Variants in PKD1L3 observed in about 807,000 individuals in gnomAD.
PKD1L3 encodes the protein polycystin-1-like protein 3.
In PKD1L3, 239 loss-of-function variants were observed where a neutral mutation model predicts 184.1. That is an observed-to-expected ratio of 1.30 (90% CI 1.17 to 1.45). The LOEUF (loss-of-function observed/expected upper bound fraction) is 1.45, where lower values mean the gene tolerates loss of function less well. Among genes scored for constraint, PKD1L3 ranks in the 40% most tolerant of loss-of-function variants. The pLI is 0.00. For synonymous variants in PKD1L3, 996 were observed against 778.8 expected (o/e 1.28, Z -4.64); for missense variants, 2,660 against 2,067.2 (o/e 1.29, Z -5.56).
chr16:71,973,277 A>AT (rs2039787654), intron 12 of PKD1L3, 47 bp downstream of exon 12: 1 of 1,529,456 alleles, frequency 6.5e-7, no homozygotes, highest in Non-Finnish European at 8.8e-7. Context: ...TGGGCTTAAC[A>AT]GTAGCTATGG....
rs985201209 is a variant in PKD1L3 at position 71,949,962 on chromosome 16, T to C, written c.3439A>G (p.Asn1147Asp). The C allele has an allele frequency of 5.8e-6, 9 of 1,551,384 alleles. No homozygotes were observed. The highest frequency in any genetic ancestry group is 2.4e-5 in the East Asian group (1 of 40,926). The change falls in exon 21 of 30, where the codon AAT becomes GAT. Residue 1147 changes from asparagine (N) to aspartate (D), a missense_variant. Physicochemically the swap from Asn to Asp is conservative, Grantham distance 23 (BLOSUM62 1). Coordinates refer to ENST00000620267, the MANE Select transcript of PKD1L3 (RefSeq NM_181536.2). The stretch of plus-strand genomic sequence containing the variant: ...GAAGTCAACCATTTGGACAGGCCAT[T>C]TGAGATGGGCTTTTTTCCTTCTTCT... Reference protein sequence around the residue: ...SSEEGKKPISNGLSKWLTSVC... With the variant: ...SSEEGKKPISDGLSKWLTSVC...
At chr16:71,985,296 G>C (rs2040313788) in intron 5 of PKD1L3, among the ~76,000 whole-genome samples, 1 of 152,122 alleles carries the variant, frequency 6.6e-6, no homozygotes, top group Admixed American at 6.6e-5. Flanking sequence ...AGCAGATCCA[G>C]AGTGAACAGG....
intron 3 of PKD1L3, among the ~76,000 whole-genome samples, chr16:71,990,561 C>T (rs752186943): frequency 6.6e-6 from 1 of 152,016 alleles, no homozygotes; most frequent in Non-Finnish European, 1.5e-5. Flanking sequence ...GGTGAAACCC[C>T]TATCTCTACT....
Position 71,967,951 on chromosome 16 carries a change from AAT to A in PKD1L3, c.2239_2240del (p.Ile747SerfsTer15), listed in dbSNP as rs1237316727. 7 of 1,551,488 alleles carry A rather than the reference AAT, an allele frequency of 4.5e-6. No homozygotes were observed. The highest frequency in any genetic ancestry group is 6.1e-6 in the Non-Finnish European group (7 of 1,146,918). The stretch of plus-strand genomic sequence containing the variant: ...TTCTTCGATATCCGGTGTAGACCTG[AAT>A]AAGGTAGTGAAATTGAGCGCTGGGG... ...NDPSAQFHYLIQVYTGYRRSA... is the reference protein window; with the variant it reads ...NDPSAQFHYLXQVYTGYRRSA... On this transcript the variant is annotated frameshift_variant, in exon 14 of 30. Coordinates refer to ENST00000620267, the MANE Select transcript of PKD1L3 (RefSeq NM_181536.2). LOFTEE classifies it high-confidence loss of function.
rs1204297083 is a variant in PKD1L3, at chr16:71,937,326, T to C, written c.4418A>G (p.Tyr1473Cys). ...GGCATAGTAACAGACCAGTAGATAA[T>C]AGATGACTTGTGAGATGATAGACCA... is the stretch of plus-strand genomic sequence containing the variant. ...CVWSIISQVI[Y>C]YLLVCYYAFI... The change falls in exon 25 of 30, where the codon TAT (tyrosine) becomes TGT (cysteine). Residue 1473 changes from tyrosine (Y) to cysteine (C), a missense_variant. Transcript: ENST00000620267. The C allele has an allele frequency of 2.6e-6, 4 of 1,551,610 alleles. No individual in the cohort carries two copies. The highest frequency in any genetic ancestry group is 2.4e-5 in the South Asian group (2 of 84,060).
intron 25 of PKD1L3, among the ~76,000 whole-genome samples, chr16:71,936,139 A>T (rs2038167583): frequency 6.6e-6 from 1 of 151,628 alleles, no homozygotes; most frequent in South Asian, 2.1e-4. Flanking sequence ...GAAAAAAAAA[A>T]TACTATGTTT....
intron 4 of PKD1L3, among the ~76,000 whole-genome samples, 171 bp downstream of exon 4, chr16:71,990,109 T>C (rs943733246): frequency 2.7e-5 from 4 of 150,330 alleles, no homozygotes; most frequent in Non-Finnish European, 5.9e-5. Context: ...AAAAAAATCC[T>C]TGAATGAAGT....
At chr16:71,943,553 A>AAAAC (rs2038442705) in intron 23 of PKD1L3, among the ~76,000 whole-genome samples, 1 of 151,712 alleles carries the variant, frequency 6.6e-6, no homozygotes, top group African/African-American at 2.4e-5. Flanking sequence ...AAAAAAAAAA[A>AAAAC]AAAAACATAA....
chr16:71,973,414 C>T lies in PKD1L3; in HGVS notation c.1863G>A (p.Gln621=). 6.4e-7 allele frequency: 1 copy of T among 1,551,690 alleles called. No individual in the cohort carries two copies. Among genetic ancestry groups the T allele is most frequent in the Non-Finnish European group, 8.7e-7 (1 of 1,147,016 alleles). ...VLSERQEGAQ[Q]TPSLVSVITA... is the part of the protein sequence containing the mutation. ...TGATGACCGAGACCAAGCTGGGTGT[C>T]TGCTGAGCACCCTCCTGCCTCTCAC... The change falls in exon 12 of 30, where the codon CAG becomes CAA. Residue 621 remains glutamine (Q), a synonymous_variant. Transcript: ENST00000620267.
chr16:71,997,966 T>G (rs72787025), intron 2 of PKD1L3, among the ~76,000 whole-genome samples: 20,649 of 152,138 alleles, frequency 0.14, 1,902 homozygotes, highest in Non-Finnish European at 0.19. Flanking sequence ...GCCCAAATGC[T>G]GACTGAATTA....
intron 18 of PKD1L3, 30 bp downstream of exon 18, chr16:71,952,864 A>G (rs1567507720): frequency 6.8e-7 from 1 of 1,473,682 alleles, no homozygotes; most frequent in Non-Finnish European, 9.1e-7. Flanking sequence ...CAATAAAATA[A>G]GATAAAATAA....
intron 13 of PKD1L3, among the ~76,000 whole-genome samples, chr16:71,968,619 G>A (rs1030007797): frequency 3.3e-5 from 5 of 152,104 alleles, no homozygotes; most frequent in Non-Finnish European, 5.9e-5. Flanking sequence ...TTTTTGAGAC[G>A]GAGTCTTGCT....
chr16:71,988,556 ATG>A (rs1406363859), intron 4 of PKD1L3, among the ~76,000 whole-genome samples: 3 of 152,254 alleles, frequency 2.0e-5, no homozygotes, highest in Admixed American at 6.5e-5. Context: ...CGTGGTGACC[ATG>A]GTGAGAAGGG....
intron 11 of PKD1L3, among the ~76,000 whole-genome samples, chr16:71,975,952 C>A (rs1229549195): frequency 2.8e-5 from 2 of 72,530 alleles, no homozygotes; most frequent in African/African-American, 1.0e-4. Flanking sequence ...CAAGCTGTTT[C>A]TGTTCTTTTT....
intron 24 of PKD1L3, among the ~76,000 whole-genome samples, chr16:71,938,441 G>A (rs1277074337): frequency 6.6e-6 from 1 of 152,086 alleles, no homozygotes; most frequent in Non-Finnish European, 1.5e-5. Flanking sequence ...GCAGGAGGCA[G>A]ACAGGCTCCT....
At position 71,983,892 on chromosome 16, in the gene PKD1L3, G is replaced by T. The variant is rs547083429; in HGVS notation, c.966+144C>A. The stretch of plus-strand genomic sequence containing the variant: ...TGCCCAGTCAGGTCTTGAACTCCTG[G>T]CCTCATGTGATCCGCCCGCCTCGGC... On this transcript the variant is annotated intron_variant, in intron 6 of 29. Coordinates refer to ENST00000620267, the MANE Select transcript of PKD1L3 (RefSeq NM_181536.2). 8.7e-5 allele frequency: 99 copies of T among 1,141,612 alleles called. 1 individual carries two copies. In the African/African-American group the frequency reaches 1.5e-3, roughly 17 times the overall value. The allele number at this position is 1,141,612 out of a possible 1,614,324, so 70.7% of individuals were successfully genotyped here. A position where few individuals can be genotyped will look rare whatever the true frequency, so the allele number is the denominator to read the frequency against.
chr16:71,973,147 G>A (rs897388437), intron 12 of PKD1L3, among the ~76,000 whole-genome samples, 177 bp downstream of exon 12: 1 of 152,206 alleles, frequency 6.6e-6, no homozygotes, highest in African/African-American at 2.4e-5. Context: ...GCTTCGAAGA[G>A]GCACACTTGC....
At chr16:71,988,667 C>T (rs770450323) in intron 4 of PKD1L3, among the ~76,000 whole-genome samples, 5 of 152,196 alleles carry the variant, frequency 3.3e-5, no homozygotes, top group East Asian at 3.8e-4. Flanking sequence ...CAAAACTCCA[C>T]CTCCATTCTC....
At chr16:71,979,986 C>T in intron 8 of PKD1L3, 21 bp downstream of exon 8, 1 of 1,551,184 alleles carries the variant, frequency 6.4e-7, no homozygotes, top group Non-Finnish European at 8.7e-7. Context: ...GAAACTCTCC[C>T]CGTTCCTTCT....
Sources: allele counts gnomAD v4.1 joint callset (sites outside exome capture counted in the v4.1 genomes callset), GRCh38; gene constraint gnomAD v4.1.1; transcripts MANE v1.5; gene names NCBI Gene and HGNC (gene_info 2026-07-23, HGNC 2026-07-21).